Variants in HCN2 observed in about 807,000 individuals in gnomAD.
The protein encoded by HCN2 is potassium/sodium hyperpolarization-activated cyclic nucleotide-gated channel 2.
A neutral mutation model predicts 52.3 loss-of-function variants in HCN2; 20 were observed. The observed-to-expected ratio is 0.38, with a 90% confidence interval of 0.27 to 0.56. The LOEUF (loss-of-function observed/expected upper bound fraction) is 0.56. HCN2 is among the 20% of genes least tolerant of loss of function. The pLI is 0.71. For missense variants in HCN2, 981 were observed against 1,207.7 expected (o/e 0.81, Z 2.78); for synonymous variants, 694 against 537.0 (o/e 1.29, Z -4.04).
chr19:615,723 G>A (rs1386507230), intron 7 of HCN2, 72 bp from the exon 8 acceptor site: 10 of 1,495,730 alleles, frequency 6.7e-6, no homozygotes, highest in Middle Eastern at 2.3e-4. Context: ...CCGCGGTGCA[G>A]AGTAGGTGCT....
chr19:593,124 G>C (rs771504281), intron 1 of HCN2, among the ~76,000 whole-genome samples: 9 of 152,156 alleles, frequency 5.9e-5, no homozygotes. Flanking sequence ...GTTCTTCCTC[G>C]CTGCCCAGCT....
At chr19:612,365 A>C (rs1387979940) in intron 5 of HCN2, among the ~76,000 whole-genome samples, 1 of 149,340 alleles carries the variant, frequency 6.7e-6, no homozygotes, top group Non-Finnish European at 1.5e-5. Flanking sequence ...AAATCACCTG[A>C]TAGTCTGACC....
chr19:605,871 G>A (rs1472522745), intron 3 of HCN2, among the ~76,000 whole-genome samples: 1 of 152,066 alleles, frequency 6.6e-6, no homozygotes, highest in East Asian at 1.9e-4. Context: ...CCCCTTACAC[G>A]GGAGGACTCA....
chr19:592,685 G>A lies in HCN2; in HGVS notation c.632+2108G>A, dbSNP rs1475660554. 2.6e-5 allele frequency among the ~76,000 whole-genome samples: 4 copies of A among 152,110 alleles called. No homozygotes were observed. The highest frequency in any genetic ancestry group is 2.1e-4 in the South Asian group (1 of 4,822). ...TTCGATGTTGCCAAGCTGGGTGCAC[G>A]GGGCCCCTAGGACCCTCCCCAGGCT... is the stretch of plus-strand genomic sequence containing the variant. On this transcript the variant is annotated intron_variant, in intron 1 of 7. Coordinates refer to ENST00000251287, the MANE Select transcript of HCN2 (RefSeq NM_001194.4). The surrounding 1 kb of genome is among the most constrained non-coding windows in gnomAD (Gnocchi z 4.8).
At position 590,347 on chromosome 19, in the gene HCN2, C is replaced by G. The variant is rs1982829874; in HGVS notation, c.402C>G (p.Pro134=). 2.8e-6 allele frequency: 3 copies of G among 1,086,718 alleles called. No individual in the cohort carries two copies. Among genetic ancestry groups the G allele is most frequent in the South Asian group, 4.3e-5 (1 of 23,016 alleles). The allele number at this position is 1,086,718 out of a possible 1,614,324, so 67.3% of individuals were successfully genotyped here. A position where few individuals can be genotyped will look rare whatever the true frequency, so the allele number is the denominator to read the frequency against. ...SFSCRGAASG[P]APGPGPAEEA... ...CGTGCCGCGGGGCGGCCTCGGGGCC[C>G]GCGCCGGGGCCGGGGCCGGCGGAGG... is the stretch of plus-strand genomic sequence containing the variant. Residue 134 remains proline (P), a synonymous_variant, in exon 1 of 8, where the codon CCC becomes CCG. Transcript: ENST00000251287. This position sits in a 1 kb window ranked among gnomAD's most constrained non-coding sequence, Gnocchi z 7.2.
intron 3 of HCN2, 51 bp downstream of exon 3, chr19:605,273 G>A (rs1411848832): frequency 3.2e-6 from 5 of 1,581,734 alleles, no homozygotes; most frequent in Non-Finnish European, 4.3e-6. Context: ...CCCATACAGA[G>A]GGGGGACCCA....
intron 2 of HCN2, 30 bp downstream of exon 2, chr19:603,997 A>C (rs368986151): frequency 3.0e-6 from 4 of 1,332,070 alleles, no homozygotes; most frequent in Admixed American, 4.0e-5. Flanking sequence ...GGGCCAAGGC[A>C]GCAGGGGCGG....
At chr19:606,842 C>T (rs947885369) in intron 3 of HCN2, among the ~76,000 whole-genome samples, 1 of 100,008 alleles carries the variant, frequency 1.0e-5, no homozygotes. Flanking sequence ...CAGAGCCAGA[C>T]TTTGTCTCAA....
chr19:590,414 G>A lies in HCN2; in HGVS notation c.469G>A (p.Gly157Ser). The change falls in exon 1 of 8, where the codon GGC becomes AGC. Residue 157 changes from glycine to serine, a missense_variant. By Grantham distance (56) the Gly-to-Ser change is moderately conservative (BLOSUM62 0). Around this residue, in one of 6 missense-constraint regions of HCN2, gnomAD observed 215 missense variants for 179.4 expected, o/e 1.20. Transcript: ENST00000251287. The surrounding 1 kb of genome is among the most constrained non-coding windows in gnomAD (Gnocchi z 7.2). ...EEAGPAGEPR[G>S]SQASFMQRQF... Reference sequence around the variant, plus strand: ...GGCGGGCCCGGCGGGGGAGCCGCGCGGCAGCCAGGCCAGCTTCATGCAGCG... The same window carrying A: ...GGCGGGCCCGGCGGGGGAGCCGCGCAGCAGCCAGGCCAGCTTCATGCAGCG... 1.5e-6 allele frequency: 2 copies of A among 1,376,612 alleles called. No individual in the cohort carries two copies. Among genetic ancestry groups the A allele is most frequent in the Non-Finnish European group, 1.9e-6 (2 of 1,051,252 alleles). The allele number at this position is 1,376,612 out of a possible 1,614,324, so 85.3% of individuals were successfully genotyped here.
chr19:594,932 G>A (rs1982979139), intron 1 of HCN2, among the ~76,000 whole-genome samples: 1 of 152,178 alleles, frequency 6.6e-6, no homozygotes, highest in Non-Finnish European at 1.5e-5. Context: ...CAGGCACTGT[G>A]GCTCATGCCT....
In HCN2 at chr19:605,302, A is replaced by AAGTGGCGCGCTCAGGG. The variant is rs1405381611; in HGVS notation, c.1218+80_1218+81insAGTGGCGCGCTCAGGG. The AAGTGGCGCGCTCAGGG allele has an allele frequency of 6.0e-3, 7,459 of 1,253,204 alleles. 204 individuals carry two copies. The highest frequency in any genetic ancestry group is 7.4e-3 in the Admixed American group (251 of 33,740). 77.6% of individuals were successfully genotyped at this position (1,253,204 alleles called of 1,614,324 possible). A position where few individuals can be genotyped will look rare whatever the true frequency, so the allele number is the denominator to read the frequency against. ...GGACCCAGGCCCCCTTATCCCGCTT[A>AAGTGGCGCGCTCAGGG]CAGAGGGTTGAACCCAAGCCTTTCA... On this transcript the variant is annotated intron_variant, in intron 3 of 7. Coordinates refer to ENST00000251287, the MANE Select transcript of HCN2 (RefSeq NM_001194.4).
In HCN2 at chr19:616,635, C is replaced by T. The variant is rs1301070823; in HGVS notation, c.*161C>T. ...CGGACGGGCAGGGCCGGCGGGGCAG[C>T]CCCCTCCGCGCCCCCGGCCGTCCCC... On this transcript the variant is annotated 3_prime_UTR_variant, in exon 8 of 8. Coordinates refer to ENST00000251287, the MANE Select transcript of HCN2 (RefSeq NM_001194.4). The T allele has an allele frequency of 9.7e-6, 3 of 310,332 alleles. No individual in the cohort carries two copies. The highest frequency in any genetic ancestry group is 1.4e-4 in the East Asian group (2 of 14,414). The allele number at this position is 310,332 out of a possible 1,614,324, so 19.2% of individuals were successfully genotyped here.
At position 594,607 on chromosome 19, in the gene HCN2, C is replaced by T. The variant is rs146663107; in HGVS notation, c.632+4030C>T. 8.1e-3 allele frequency among the ~76,000 whole-genome samples: 1,231 copies of T among 152,268 alleles called. 22 individuals carry two copies. Among genetic ancestry groups the T allele is most frequent in the Non-Finnish European group, 0.014 (921 of 67,982 alleles). ...CGCCTCAGATGGCTGAGTGGGTCAG[C>T]GGGAGATCAGCCTGGGGGTGCAGCT... is the stretch of plus-strand genomic sequence containing the variant. On this transcript the variant is annotated intron_variant, in intron 1 of 7. Coordinates refer to ENST00000251287, the MANE Select transcript of HCN2 (RefSeq NM_001194.4).
At chr19:593,180 G>T (rs975072113) in intron 1 of HCN2, among the ~76,000 whole-genome samples, 2 of 152,220 alleles carry the variant, frequency 1.3e-5, no homozygotes, top group Admixed American at 1.3e-4. Flanking sequence ...CTCGGAAGTG[G>T]CCTCTTTCAC....
chr19:612,427 T>TGTGTGTGTGTGTGAGAGAGA, intron 5 of HCN2, among the ~76,000 whole-genome samples: 38 of 142,356 alleles, frequency 2.7e-4, no homozygotes, highest in African/African-American at 8.9e-4. Flanking sequence ...TGTGTGTGTG[T>TGTGTGTGTGTGTGAGAGAGA]GAGAGAGAGA....
Position 590,188 on chromosome 19 carries a change from G to C in HCN2, c.243G>C (p.Ser81=). 1.0e-6 allele frequency: 1 copy of C among 981,434 alleles called. No homozygotes were observed. Among genetic ancestry groups the C allele is most frequent in the South Asian group, 4.5e-5 (1 of 22,124 alleles). The allele number at this position is 981,434 out of a possible 1,614,324, so 60.8% of individuals were successfully genotyped here. ...GCCGGCTCCGCAGCCGCGACAGCTC[G>C]TGCGGCCGCCCCGGCACCCCGGGCG... ...PRGRLRSRDS[S]CGRPGTPGAA... The change falls in exon 1 of 8, where the codon TCG becomes TCC. Residue 81 remains serine (S), a synonymous_variant. Coordinates refer to ENST00000251287, the MANE Select transcript of HCN2 (RefSeq NM_001194.4). This position sits in a 1 kb window ranked among gnomAD's most constrained non-coding sequence, Gnocchi z 7.2.
At chr19:600,268 G>C (rs1052511458) in intron 1 of HCN2, among the ~76,000 whole-genome samples, 16 of 152,182 alleles carry the variant, frequency 1.1e-4, no homozygotes, top group African/African-American at 3.6e-4. Context: ...CACCTCCCGG[G>C]TTCAAACAAT....
intron 1 of HCN2, among the ~76,000 whole-genome samples, chr19:599,575 C>T (rs1432345387): frequency 4.3e-4 from 65 of 150,794 alleles, no homozygotes; most frequent in Middle Eastern, 3.4e-3. Context: ...GTCAGGAGTT[C>T]GAGACCATCC....
At chr19:593,018 A>G (rs12977194) in intron 1 of HCN2, among the ~76,000 whole-genome samples, 44,991 of 151,958 alleles carry the variant, frequency 0.3, 7,729 homozygotes, top group African/African-American at 0.48. Context: ...CCAGTGTCTC[A>G]GCCTCACGTC....
Sources: gnomAD v4.1 joint callset for allele counts (sites outside exome capture counted in the v4.1 genomes callset) on GRCh38, gnomAD v4.1.1 for gene constraint, gnomAD v4.1.1 regional missense constraint, Gnocchi (gnomAD v3.1) non-coding constraint, MANE v1.5 for transcripts, NCBI Gene and HGNC (gene_info 2026-07-23, HGNC 2026-07-21) for gene names.